SEC24C: variants seen among roughly 807,000 people sequenced by gnomAD.
The protein encoded by SEC24C is protein transport protein Sec24C.
SEC24C carries 22 observed loss-of-function variants against 117.0 expected under a neutral mutation model. The observed-to-expected ratio is 0.19, with a 90% CI of 0.13 to 0.27. The LOEUF (loss-of-function observed/expected upper bound fraction) is 0.27, where lower values mean the gene tolerates loss of function less well. Ranked by LOEUF, SEC24C falls within the 10% of genes least tolerant of loss-of-function variation. SEC24C has a pLI of 1.00. For missense variants in SEC24C, 1,155 were observed against 1,375.1 expected, an observed-to-expected ratio of 0.84 and a Z score of 2.53; for synonymous variants, 506 against 529.4, an observed-to-expected ratio of 0.96 and a Z score of 0.61.
chr10:73,755,864 T>G (rs2082702374), intron 3 of SEC24C, among the ~76,000 whole-genome samples: 1 of 151,774 alleles, frequency 6.6e-6, no homozygotes, highest in Non-Finnish European at 1.5e-5. Context: ...TCTTTTTTTT[T>G]TTTTAAATAC....
chr10:73,764,995 G>C (rs1186182388), intron 8 of SEC24C, among the ~76,000 whole-genome samples: 1 of 152,178 alleles, frequency 6.6e-6, no homozygotes, highest in East Asian at 1.9e-4. Context: ...CATTTGCCTG[G>C]GGCATCAGTA....
At chr10:73,763,666 G>GATTTTT in intron 7 of SEC24C, 65 bp downstream of exon 7, 5 of 212,426 alleles carry the variant, frequency 2.4e-5, no homozygotes, top group South Asian at 5.8e-5. Context: ...TATGGTTGGG[G>GATTTTT]CTTTTTTTTT....
rs1335576158 is a variant in SEC24C, at chr10:73,769,473, A to G, written c.2551A>G (p.Met851Val). Residue 851 changes from methionine (M) to valine (V), a missense_variant, in exon 18 of 23, where the codon ATG becomes GTG. Met to Val is a conservative substitution (Grantham distance 21). Around this residue, in one of 2 missense-constraint regions of SEC24C, gnomAD observed 759 missense variants for 992.3 expected, o/e 0.76. Transcript: ENST00000345254. This position sits in a 1 kb window ranked among gnomAD's most constrained non-coding sequence, Gnocchi z 4.5. ...TGAGACTGACACGCTCATCAACTAC[A>G]TGGCCAAGTTTGGTGAGGGTAGAAG... ...NCETDTLINY[M>V]AKFAYRGVLN... 3.7e-6 allele frequency: 6 copies of G among 1,613,936 alleles called. No individual in the cohort carries two copies. The highest frequency in any genetic ancestry group is 2.2e-5 in the East Asian group (1 of 44,888).
intron 7 of SEC24C, 31 bp from the exon 8 acceptor site, chr10:73,763,825 T>G (rs2082837420): frequency 6.2e-7 from 1 of 1,607,672 alleles, no homozygotes; most frequent in African/African-American, 1.3e-5. Context: ...GATTCTGTGA[T>G]CTGACTCGGG....
chr10:73,747,833 A>G (rs1269650511), intron 2 of SEC24C, among the ~76,000 whole-genome samples: 1 of 151,224 alleles, frequency 6.6e-6, no homozygotes, highest in Non-Finnish European at 1.5e-5. Context: ...CTAATTTTGT[A>G]TCTTTAGTAG....
Position 73,753,567 on chromosome 10 carries a change from G to C in SEC24C, c.308+2324G>C, listed in dbSNP as rs937586611. ...CTTGTTGTCCTAGCTACTTTGGGAG[G>C]CTGAAGTGGAGGTATCGTTTGGGCC... On this transcript the variant is annotated intron_variant, in intron 3 of 22. Coordinates refer to ENST00000345254, the MANE Select transcript of SEC24C (RefSeq NM_198597.3). 3.9e-5 allele frequency among the ~76,000 whole-genome samples: 6 copies of C among 152,260 alleles called. No individual in the cohort carries two copies. In the East Asian group the frequency reaches 7.8e-4, roughly 20 times the overall value.
intron 3 of SEC24C, among the ~76,000 whole-genome samples, chr10:73,759,062 G>A (rs1431303759): frequency 2.0e-5 from 3 of 152,170 alleles, no homozygotes; most frequent in African/African-American, 7.2e-5. Flanking sequence ...CACGCATGGT[G>A]GCGTGTGACT....
intron 12 of SEC24C, 65 bp downstream of exon 12, chr10:73,766,606 A>G: frequency 6.6e-7 from 1 of 1,526,632 alleles, no homozygotes; most frequent in Non-Finnish European, 8.9e-7. Flanking sequence ...AAGGTCATGG[A>G]GTTGAACAGA....
In SEC24C at chr10:73,765,495, C is replaced by G; in HGVS notation, c.1272C>G (p.Arg424=). ...ACCATGGGGAATCTGGCCCTTTGCG[C>G]TGCAACCGCTGCAAAGCATACATGT... ...VVDHGESGPL[R]CNRCKAYMCP... is the part of the protein sequence containing the mutation. Residue 424 remains arginine (R), a synonymous_variant, in exon 9 of 23, where the codon CGC becomes CGG. Transcript: ENST00000345254. 1 of 1,614,066 alleles carries G rather than the reference C, an allele frequency of 6.2e-7. No individual in the cohort carries two copies. Among genetic ancestry groups the G allele is most frequent in the South Asian group, 1.1e-5 (1 of 91,084 alleles).
chr10:73,755,145 A>C (rs2082692424), intron 3 of SEC24C, among the ~76,000 whole-genome samples: 1 of 152,088 alleles, frequency 6.6e-6, no homozygotes, highest in South Asian at 2.1e-4. Flanking sequence ...ACAAACAAAA[A>C]AAAAACAAAA....
chr10:73,745,049 TAA>T (rs2082525517), intron 1 of SEC24C, among the ~76,000 whole-genome samples: 1 of 152,208 alleles, frequency 6.6e-6, no homozygotes, highest in Admixed American at 6.5e-5. Flanking sequence ...ACTTTGAGTT[TAA>T]AGAGTTTTAG....
Position 73,760,000 on chromosome 10 carries a change from CT to C in SEC24C, c.482-15del, listed in dbSNP as rs1206485492. On this transcript the variant is annotated splice_polypyrimidine_tract_variant and intron_variant, in intron 4 of 22. Coordinates refer to ENST00000345254, the MANE Select transcript of SEC24C (RefSeq NM_198597.3). ...AGAATGACTGGGCTTTTGACTCTACCTTTATTCTACTTCTCAGGCCCACCAA... is the reference window on the plus strand; with the variant it reads ...AGAATGACTGGGCTTTTGACTCTACCTTATTCTACTTCTCAGGCCCACCAA... 3 of 1,550,136 alleles carry C rather than the reference CT, an allele frequency of 1.9e-6. No homozygotes were observed. The highest frequency in any genetic ancestry group is 2.6e-6 in the Non-Finnish European group (3 of 1,146,294).
At chr10:73,751,383 A>T in intron 3 of SEC24C, 140 bp downstream of exon 3, 1 of 725,852 alleles carries the variant, frequency 1.4e-6, no homozygotes, top group Non-Finnish European at 2.1e-6. Flanking sequence ...CAACATGGCA[A>T]AACCCCATCT....
chr10:73,761,447 G>A (rs1345242177), intron 6 of SEC24C, among the ~76,000 whole-genome samples: 1 of 152,216 alleles, frequency 6.6e-6, no homozygotes, highest in Non-Finnish European at 1.5e-5. Flanking sequence ...CACCCTTGGA[G>A]CCATCAGAAT....
chr10:73,765,388 A>G, intron 8 of SEC24C, 63 bp from the exon 9 acceptor site: 4 of 1,572,970 alleles, frequency 2.5e-6, no homozygotes, highest in Non-Finnish European at 3.5e-6. Flanking sequence ...GTTCTTCCTC[A>G]TCTCCTGGCT....
intron 1 of SEC24C, among the ~76,000 whole-genome samples, chr10:73,746,245 A>G (rs1349600585): frequency 6.6e-6 from 1 of 150,868 alleles, no homozygotes; most frequent in African/African-American, 2.4e-5. Flanking sequence ...TATCATTTGT[A>G]TTATGGCAGT....
rs548423646 is a variant in SEC24C at position 73,765,491 on chromosome 10, T to G, written c.1268T>G (p.Leu423Trp). 6.2e-7 allele frequency: 1 copy of G among 1,614,062 alleles called. No individual in the cohort carries two copies. The highest frequency in any genetic ancestry group is 2.2e-5 in the East Asian group (1 of 44,870). Residue 423 changes from leucine (L) to tryptophan (W), a missense_variant, in exon 9 of 23, where the codon TTG becomes TGG. Leu to Trp is a moderately conservative substitution (Grantham distance 61, BLOSUM62 -2). Coordinates refer to ENST00000345254, the MANE Select transcript of SEC24C (RefSeq NM_198597.3). ...YVVDHGESGP[L>W]RCNRCKAYMC... is the part of the protein sequence containing the mutation. Reference sequence around the variant, plus strand: ...GTGGACCATGGGGAATCTGGCCCTTTGCGCTGCAACCGCTGCAAAGCATAC... The same window carrying G: ...GTGGACCATGGGGAATCTGGCCCTTGGCGCTGCAACCGCTGCAAAGCATAC...
Position 73,765,859 on chromosome 10 carries a change from C to T in SEC24C, c.1426C>T (p.Arg476Cys), listed in dbSNP as rs781081066. The change falls in exon 10 of 23, where the codon CGC becomes TGC. Residue 476 changes from arginine to cysteine, a missense_variant. By Grantham distance (180) the Arg-to-Cys change is radical. This residue lies in a region of SEC24C where 759 missense variants were observed against 992.3 expected (regional missense o/e 0.76). Transcript: ENST00000345254. ...HTGKRVDAYD[R>C]PELSLGSYEF... ...CGGCAAACGTGTGGATGCTTATGAC[C>T]GCCCTGAGCTATCCCTGGGCTCTTA... 9.9e-6 allele frequency: 16 copies of T among 1,614,022 alleles called. No individual in the cohort carries two copies. The highest frequency in any genetic ancestry group is 4.0e-5 in the African/African-American group (3 of 74,918).
chr10:73,751,548 C>CATAA (rs576423139), intron 3 of SEC24C, among the ~76,000 whole-genome samples: 2,705 of 151,916 alleles, frequency 0.018, 39 homozygotes, highest in African/African-American at 0.035. Flanking sequence ...GACTCCGTCT[C>CATAA]ATAAATAAAT....
Sources: allele counts gnomAD v4.1 joint callset (sites outside exome capture counted in the v4.1 genomes callset), GRCh38; gene constraint gnomAD v4.1.1; regional missense constraint gnomAD v4.1.1; non-coding constraint Gnocchi (gnomAD v3.1); transcripts MANE v1.5; gene names NCBI Gene and HGNC (gene_info 2026-07-23, HGNC 2026-07-21).